The following PDE1A variants were observed in gnomAD, a reference collection of about 807,000 sequenced individuals.
PDE1A encodes phosphodiesterase 1A.
PDE1A carries 35 observed loss-of-function variants against 61.7 expected under a neutral mutation model. The observed-to-expected ratio is 0.57, with a 90% CI of 0.43 to 0.75. The LOEUF (loss-of-function observed/expected upper bound fraction) is 0.75. PDE1A is among the 30% of genes least tolerant of loss of function. The pLI is 0.00. For synonymous variants in PDE1A, 232 were observed against 213.2 expected (o/e 1.09, Z -0.77); for missense variants, 597 against 630.6 (o/e 0.95, Z 0.57).
the PDE1A span, among the ~76,000 whole-genome samples, chr2:182,537,548 G>A: frequency 6.6e-6 from 1 of 152,070 alleles, no homozygotes; most frequent in Non-Finnish European, 1.5e-5. Context: ...ACCTAATGTA[G>A]ATGACAGGTT....
intron 13 of PDE1A, among the ~76,000 whole-genome samples, chr2:182,147,765 C>T (rs139088551): frequency 1.7e-4 from 26 of 152,158 alleles, no homozygotes; most frequent in Middle Eastern, 3.4e-3. Context: ...ACATAAGCAA[C>T]AAAGTAAACA....
At chr2:182,617,696 T>C in the PDE1A span, among the ~76,000 whole-genome samples, 1 of 152,168 alleles carries the variant, frequency 6.6e-6, no homozygotes, top group African/African-American at 2.4e-5. Context: ...AATTCTCCAT[T>C]TGAGTCATAG....
downstream of PDE1A, among the ~76,000 whole-genome samples, chr2:182,164,644 G>C (rs913359690): frequency 4.6e-5 from 7 of 151,872 alleles, no homozygotes; most frequent in Non-Finnish European, 7.4e-5. Context: ...GTGATTCATG[G>C]GCTCAGCAAC....
chr2:182,220,455 G>C (rs531229183), intron 7 of PDE1A, among the ~76,000 whole-genome samples: 21 of 152,164 alleles, frequency 1.4e-4, no homozygotes, highest in Admixed American at 1.3e-3. Flanking sequence ...ATGTGTTTTT[G>C]AACCAGATTT....
the PDE1A span, among the ~76,000 whole-genome samples, chr2:182,588,982 G>A: frequency 6.6e-6 from 1 of 150,950 alleles, no homozygotes; most frequent in African/African-American, 2.4e-5. Flanking sequence ...GGCAGAGGTT[G>A]CACTGAGCCG....
the PDE1A span, among the ~76,000 whole-genome samples, chr2:182,651,168 A>G: frequency 6.6e-6 from 1 of 152,086 alleles, no homozygotes; most frequent in East Asian, 1.9e-4. Context: ...CATCACACCC[A>G]GCCAATTTTT....
the PDE1A span, among the ~76,000 whole-genome samples, chr2:182,653,719 T>C: frequency 0.014 from 2,186 of 152,294 alleles, 25 homozygotes; most frequent in Non-Finnish European, 0.024. Flanking sequence ...AACATATAAT[T>C]GATCTCTGCT....
intron 1 of PDE1A, among the ~76,000 whole-genome samples, chr2:182,341,932 A>T (rs555100707): frequency 6.6e-6 from 1 of 151,896 alleles, no homozygotes; most frequent in Non-Finnish European, 1.5e-5. Flanking sequence ...TACTTTTTTT[A>T]AAAAAGTGTT....
At chr2:182,539,332 T>C in the PDE1A span, among the ~76,000 whole-genome samples, 1 of 152,166 alleles carries the variant, frequency 6.6e-6, no homozygotes, top group Non-Finnish European at 1.5e-5. Context: ...TTCAAGATTT[T>C]CCCTGTCCTC....
chr2:182,500,142 A>G (rs898094122), intron 2 of PDE1A, among the ~76,000 whole-genome samples: 1 of 152,248 alleles, frequency 6.6e-6, no homozygotes, highest in Non-Finnish European at 1.5e-5. Context: ...ATCAAGTCCA[A>G]CAAAGTAACA....
Position 182,452,988 on chromosome 2 carries a change from G to A in PDE1A, c.101+69288C>T, listed in dbSNP as rs952477844. On this transcript the variant is annotated intron_variant, in intron 2 of 14. Transcript: ENST00000410103. ...TTTTTTATTTTGCCATGGACAGTCC[G>A]CACAAACAGATCCAAGCTGACCTAT... Among the ~76,000 whole-genome samples, 6 of 152,150 alleles carry A rather than the reference G, an allele frequency of 3.9e-5. No individual in the cohort carries two copies. In the East Asian group the frequency reaches 5.8e-4, roughly 15 times the overall value.
chr2:182,309,051 A>G (rs1695790173), intron 1 of PDE1A, among the ~76,000 whole-genome samples: 1 of 151,884 alleles, frequency 6.6e-6, no homozygotes, highest in African/African-American at 2.4e-5. Flanking sequence ...GTGACAAAGA[A>G]GTTCACACAG....
the PDE1A span, among the ~76,000 whole-genome samples, chr2:182,647,509 GT>G: frequency 5.3e-5 from 8 of 152,116 alleles, no homozygotes; most frequent in African/African-American, 1.9e-4. Context: ...CAATTTAAGG[GT>G]TATTGAGGTA....
intron 2 of PDE1A, among the ~76,000 whole-genome samples, chr2:182,450,019 G>A (rs1436686417): frequency 6.6e-6 from 1 of 152,020 alleles, no homozygotes; most frequent in Non-Finnish European, 1.5e-5. Context: ...CATAAAATGT[G>A]CTAGCTAAAA....
the PDE1A span, among the ~76,000 whole-genome samples, chr2:182,664,509 T>G: frequency 1.3e-5 from 2 of 152,186 alleles, no homozygotes; most frequent in African/African-American, 2.4e-5. Flanking sequence ...TTTGAAGTTT[T>G]GAAACTCCAC....
intron 1 of PDE1A, among the ~76,000 whole-genome samples, chr2:182,414,880 C>G (rs1702823075): frequency 6.6e-6 from 1 of 152,208 alleles, no homozygotes; most frequent in African/African-American, 2.4e-5. Context: ...AGCTCAAATT[C>G]TACATCAATT....
chr2:182,526,078 G>C (rs1448742452), upstream of PDE1A, among the ~76,000 whole-genome samples: 1 of 151,888 alleles, frequency 6.6e-6, no homozygotes, highest in Non-Finnish European at 1.5e-5. Context: ...AAGAAAAAGT[G>C]GATTAAATTC....
chr2:182,301,413 C>T (rs1695233621), intron 1 of PDE1A, among the ~76,000 whole-genome samples: 2 of 152,096 alleles, frequency 1.3e-5, no homozygotes, highest in South Asian at 2.1e-4. Flanking sequence ...ACTATAAGTG[C>T]CCTTTTATTA....
At chr2:182,682,335 C>A in the PDE1A span, among the ~76,000 whole-genome samples, 5 of 152,076 alleles carry the variant, frequency 3.3e-5, no homozygotes, top group African/African-American at 1.2e-4. Flanking sequence ...GTTTATATAG[C>A]AGGGAAGAAA....
Sources: allele counts gnomAD v4.1 joint callset (sites outside exome capture counted in the v4.1 genomes callset), GRCh38; gene constraint gnomAD v4.1.1; transcripts MANE v1.5; gene names NCBI Gene and HGNC (gene_info 2026-07-23, HGNC 2026-07-21).